Variants in KDM4C observed in about 807,000 individuals in gnomAD.
KDM4C encodes lysine demethylase 4C.
KDM4C carries 81 observed loss-of-function variants against 129.3 expected under a neutral mutation model. The ratio of observed to expected loss-of-function variants is 0.63; its 90% CI spans 0.52 to 0.75. The LOEUF is 0.75. Ranked by LOEUF, KDM4C falls within the 30% of genes least tolerant of loss-of-function variation. KDM4C has a pLI of 0.00. For missense variants in KDM4C, 1,457 were observed against 1,304.0 expected, an observed-to-expected ratio of 1.12 and a Z score of -1.81; for synonymous variants, 573 against 456.1, an observed-to-expected ratio of 1.26 and a Z score of -3.26.
chr9:7,136,067 C>T (rs1841174229), intron 19 of KDM4C, among the ~76,000 whole-genome samples: 1 of 152,166 alleles, frequency 6.6e-6, no homozygotes, highest in Non-Finnish European at 1.5e-5. Context: ...TTAAAGAAGT[C>T]ACGTTGAGGA....
At chr9:7,138,589 A>G (rs1841443174) in intron 19 of KDM4C, among the ~76,000 whole-genome samples, 1 of 152,048 alleles carries the variant, frequency 6.6e-6, no homozygotes, top group Admixed American at 6.6e-5. Context: ...CCAAAGCAGG[A>G]GGATTATTTG....
Position 7,035,102 on chromosome 9 carries a change from T to G in KDM4C, c.2260-11760T>G, listed in dbSNP as rs187191617. On this transcript the variant is annotated intron_variant, in intron 15 of 21. Transcript: ENST00000381309. ...CTCTCAGCTCACTGTATTCTCTACT[T>G]CCTGAGCTCATGTGATCCTCCCACC... 1.7e-4 allele frequency among the ~76,000 whole-genome samples: 26 copies of G among 151,892 alleles called. 1 individual carries two copies. Among genetic ancestry groups the G allele is most frequent in the Admixed American group, 1.4e-3 (22 of 15,228 alleles).
intron 19 of KDM4C, among the ~76,000 whole-genome samples, chr9:7,161,658 T>C (rs1843809760): frequency 6.6e-6 from 1 of 152,144 alleles, no homozygotes; most frequent in Non-Finnish European, 1.5e-5. Flanking sequence ...ATGCCCTCTG[T>C]CTGTCCCTGG....
chr9:6,988,241 T>C (rs766105621), intron 11 of KDM4C, among the ~76,000 whole-genome samples: 2 of 151,852 alleles, frequency 1.3e-5, no homozygotes, highest in Non-Finnish European at 2.9e-5. Context: ...CAAGCAGATA[T>C]TCATTCTTTG....
intron 5 of KDM4C, among the ~76,000 whole-genome samples, chr9:6,874,289 A>T (rs1843247118): frequency 1.3e-5 from 2 of 152,206 alleles, no homozygotes; most frequent in African/African-American, 2.4e-5. Context: ...AAAATGAGGT[A>T]TGTCCATAGT....
At chr9:6,879,177 CA>C (rs146990846) in intron 5 of KDM4C, among the ~76,000 whole-genome samples, 2,300 of 152,102 alleles carry the variant, frequency 0.015, 61 homozygotes, top group African/African-American at 0.052. Flanking sequence ...TAGAGGTCTT[CA>C]AAAGTATAGT....
At chr9:6,795,476 C>T (rs1827557682) in intron 2 of KDM4C, among the ~76,000 whole-genome samples, 2 of 152,242 alleles carry the variant, frequency 1.3e-5, no homozygotes, top group South Asian at 4.1e-4. Flanking sequence ...GGATTACAGG[C>T]ATGTACCACC....
chr9:7,128,059 C>G lies in KDM4C; in HGVS notation c.2611-7C>G. On this transcript the variant is annotated splice_polypyrimidine_tract_variant and splice_region_variant and intron_variant, in intron 18 of 21. Transcript: ENST00000381309. ...CTTTTCTTCCTTTTTTGTGTCCCTT[C>G]TTTTAGAAGTCCAAGGCTTGCGAGA... 6.7e-7 allele frequency: 1 copy of G among 1,481,624 alleles called. No individual in the cohort carries two copies. The highest frequency in any genetic ancestry group is 9.0e-7 in the Non-Finnish European group (1 of 1,111,672). The allele number at this position is 1,481,624 out of a possible 1,614,324, so 91.8% of individuals were successfully genotyped here. A position where few individuals can be genotyped will look rare whatever the true frequency, so the allele number is the denominator to read the frequency against.
chr9:7,136,463 A>G (rs563346175), intron 19 of KDM4C, among the ~76,000 whole-genome samples: 13 of 152,218 alleles, frequency 8.5e-5, no homozygotes, highest in Non-Finnish European at 1.9e-4. Flanking sequence ...ATTTGAGGTT[A>G]CAGTTTCTTC....
At chr9:7,171,785 A>G (rs1844986396) in intron 21 of KDM4C, among the ~76,000 whole-genome samples, 1 of 152,048 alleles carries the variant, frequency 6.6e-6, no homozygotes. Context: ...GGTCTATTTC[A>G]CTGAACAAGC....
intron 8 of KDM4C, among the ~76,000 whole-genome samples, chr9:6,909,642 C>T (rs903018619): frequency 5.9e-5 from 9 of 151,926 alleles, no homozygotes; most frequent in Non-Finnish European, 7.4e-5. Context: ...AGCTTTCACT[C>T]GTATTTTTAA....
intron 15 of KDM4C, among the ~76,000 whole-genome samples, chr9:7,019,537 T>G (rs1824281220): frequency 1.3e-5 from 2 of 151,584 alleles, no homozygotes; most frequent in African/African-American, 4.8e-5. Context: ...TTGAGACACG[T>G]GATTATACAA....
intron 15 of KDM4C, among the ~76,000 whole-genome samples, chr9:7,035,453 T>C (rs1176905358): frequency 6.6e-6 from 1 of 151,224 alleles, no homozygotes; most frequent in Admixed American, 6.6e-5. Context: ...CTTTTCACTC[T>C]ATTATTTCCT....
intron 1 of KDM4C, among the ~76,000 whole-genome samples, chr9:6,722,517 A>AC (rs371707720): frequency 7.4e-6 from 1 of 134,622 alleles, no homozygotes; most frequent in Non-Finnish European, 1.7e-5. Flanking sequence ...ATGTCTATAT[A>AC]TTTTTTTTTT....
At position 6,792,957 on chromosome 9, in the gene KDM4C, C is replaced by G; in HGVS notation, c.-17-15C>G. On this transcript the variant is annotated splice_polypyrimidine_tract_variant and intron_variant, in intron 1 of 21. Coordinates refer to ENST00000381309, the MANE Select transcript of KDM4C (RefSeq NM_015061.6). ...TAATAATTCAGTTCTGTTGACCCTA[C>G]TGTCTTCTCTCCAGACACTGCCCTA... 1.9e-6 allele frequency: 3 copies of G among 1,613,280 alleles called. No individual in the cohort carries two copies. Among genetic ancestry groups the G allele is most frequent in the African/African-American group, 1.3e-5 (1 of 75,002 alleles).
chr9:6,956,487 C>T (rs960281173), intron 8 of KDM4C, among the ~76,000 whole-genome samples: 3 of 152,160 alleles, frequency 2.0e-5, no homozygotes, highest in Admixed American at 2.0e-4. Flanking sequence ...TCAAATGTCA[C>T]CTCACCTGTT....
At chr9:6,778,726 C>T (rs1823641723) in intron 1 of KDM4C, among the ~76,000 whole-genome samples, 1 of 151,828 alleles carries the variant, frequency 6.6e-6, no homozygotes, top group South Asian at 2.1e-4. Context: ...GGGATCATGC[C>T]ACTACACTCC....
chr9:6,858,774 C>T (rs115495149), intron 5 of KDM4C, among the ~76,000 whole-genome samples: 19 of 150,340 alleles, frequency 1.3e-4, no homozygotes, highest in African/African-American at 3.9e-4. Flanking sequence ...TGTCTCCCCC[C>T]CCGGCAAAAA....
intron 1 of KDM4C, among the ~76,000 whole-genome samples, chr9:6,751,664 A>G (rs12347059): frequency 0.4 from 60,995 of 151,866 alleles, 13,029 homozygotes; most frequent in African/African-American, 0.55. Context: ...CTTTAGCTGA[A>G]TGATGAGATC....
Sources: gnomAD v4.1 joint callset for allele counts (sites outside exome capture counted in the v4.1 genomes callset) on GRCh38, gnomAD v4.1.1 for gene constraint, MANE v1.5 for transcripts, NCBI Gene and HGNC (gene_info 2026-07-23, HGNC 2026-07-21) for gene names.